Variants in KIAA1549L observed in about 807,000 individuals in gnomAD.
KIAA1549L encodes UPF0606 protein KIAA1549L.
A neutral mutation model predicts 160.7 loss-of-function variants in KIAA1549L; 88 were observed. The observed-to-expected ratio is 0.55, with a 90% CI of 0.46 to 0.65. The LOEUF is 0.65. Ranked by LOEUF, KIAA1549L falls within the 30% of genes least tolerant of loss-of-function variation. The probability of loss-of-function intolerance (pLI) is 0.00; values close to 1 mark genes in which losing one functional copy is unlikely to be tolerated. For synonymous variants in KIAA1549L, 950 were observed against 976.7 expected (o/e 0.97, Z 0.51); for missense variants, 2,258 against 2,437.5 (o/e 0.93, Z 1.55).
In KIAA1549L at chr11:33,664,360, G is replaced by A. The variant is rs75803185; in HGVS notation, c.6159+3346G>A. Among the ~76,000 whole-genome samples the A allele has an allele frequency of 3.2e-3, 481 of 151,868 alleles. 6 individuals carry two copies. The East Asian group carries it at 0.041, about 13-fold the overall frequency. ...ACCCATCCGTGGCTCCCAGCCAGGC[G>A]TCAGCCGCACATCTCAGGAACCTGC... On this transcript the variant is annotated intron_variant, in intron 20 of 20. Transcript: ENST00000658780.
Position 33,544,151 on chromosome 11 carries a change from A to G in KIAA1549L, c.2588A>G (p.Asp863Gly), listed in dbSNP as rs1408864253. 3 of 1,613,896 alleles carry G rather than the reference A, an allele frequency of 1.9e-6. No individual in the cohort carries two copies. The highest frequency in any genetic ancestry group is 1.7e-5 in the Admixed American group (1 of 60,008). ...STGSLQEMLS[D>G]GTDTGSEISS... The stretch of plus-strand genomic sequence containing the variant: ...GGTAGCTTGCAGGAAATGCTTTCAG[A>G]TGGAACAGATACAGGTTCTGAAATT... The change falls in exon 2 of 21, where the codon GAT becomes GGT. Residue 863 changes from aspartate (D) to glycine (G), a missense_variant. Transcript: ENST00000658780.
At chr11:33,557,918 G>T (rs112043446) in intron 6 of KIAA1549L, among the ~76,000 whole-genome samples, 5 of 151,900 alleles carry the variant, frequency 3.3e-5, no homozygotes, top group Non-Finnish European at 7.4e-5. Context: ...GAGAAAAGGC[G>T]GGGGAGAGAG....
chr11:33,633,700 G>T (rs2133380847), intron 16 of KIAA1549L, among the ~76,000 whole-genome samples: 1 of 152,334 alleles, frequency 6.6e-6, no homozygotes, highest in African/African-American at 2.4e-5. Flanking sequence ...GATTCCTTTT[G>T]AAGAGGTGTT....
chr11:33,559,842 C>T lies in KIAA1549L; in HGVS notation c.3949C>T (p.Leu1317Phe), dbSNP rs752412913. Reference protein sequence around the residue: ...TFLNGTVASSLLSQLSAELVG... With the variant: ...TFLNGTVASSFLSQLSAELVG... ...CCTCAACGGCACCGTCGCCAGCAGCCTCCTCAGCCAGCTCTCGGCTGAGCT... is the reference window on the plus strand; with the variant it reads ...CCTCAACGGCACCGTCGCCAGCAGCTTCCTCAGCCAGCTCTCGGCTGAGCT... Residue 1317 changes from leucine (L) to phenylalanine (F), a missense_variant, in exon 7 of 21, where the codon CTC (leucine) becomes TTC (phenylalanine). By Grantham distance (22) the Leu-to-Phe change is conservative. Transcript: ENST00000658780. The T allele has an allele frequency of 6.2e-7, 1 of 1,614,038 alleles. No individual in the cohort carries two copies. Among genetic ancestry groups the T allele is most frequent in the Non-Finnish European group, 8.5e-7 (1 of 1,179,872 alleles).
chr11:33,606,382 T>A (rs954764017), intron 13 of KIAA1549L, among the ~76,000 whole-genome samples: 24 of 152,332 alleles, frequency 1.6e-4, no homozygotes, highest in African/African-American at 5.8e-4. Context: ...TTTGAAAGAA[T>A]GGTTCTTACT....
intron 10 of KIAA1549L, among the ~76,000 whole-genome samples, chr11:33,578,958 C>T (rs1418178542): frequency 2.0e-5 from 3 of 152,200 alleles, no homozygotes; most frequent in Non-Finnish European, 4.4e-5. Flanking sequence ...TGGTTCTATT[C>T]TTGTGAAGGC....
At chr11:33,385,251 T>C (rs1850151578) in intron 1 of KIAA1549L, among the ~76,000 whole-genome samples, 1 of 152,250 alleles carries the variant, frequency 6.6e-6, no homozygotes, top group African/African-American at 2.4e-5. Flanking sequence ...TGGCACCATA[T>C]ATGTCTGGGT....
chr11:33,456,476 T>A (rs987075217), intron 1 of KIAA1549L, among the ~76,000 whole-genome samples: 1 of 152,158 alleles, frequency 6.6e-6, no homozygotes, highest in Non-Finnish European at 1.5e-5. Flanking sequence ...GATGGCGCGA[T>A]CATGGCTCAC....
At chr11:33,550,042 CA>C (rs11284498) in intron 4 of KIAA1549L, among the ~76,000 whole-genome samples, 48,110 of 138,152 alleles carry the variant, frequency 0.35, 8,206 homozygotes, top group Middle Eastern at 0.47. Context: ...AAAAAAGAAA[CA>C]AAAAAAAAAA....
chr11:33,613,851 T>TA (rs571435772), intron 15 of KIAA1549L, among the ~76,000 whole-genome samples: 274 of 152,280 alleles, frequency 1.8e-3, no homozygotes, highest in Non-Finnish European at 3.1e-3. Flanking sequence ...TTCAGAGCCT[T>TA]AAAAAAATCA....
rs1350521078 is a variant in KIAA1549L, at chr11:33,638,435, A to T, written c.5410-7251A>T. On this transcript the variant is annotated intron_variant, in intron 16 of 20. Transcript: ENST00000658780. ...CTCTAAAATAAATAAAAAAAAAAAA[A>T]ATAAATAAATAAATAAATAAATAAA... Among the ~76,000 whole-genome samples the T allele has an allele frequency of 1.1e-3, 28 of 25,784 alleles. 1 individual carries two copies. The East Asian group carries it at 0.013, about 12-fold the overall frequency. The allele number at this position is 25,784 out of a possible 152,430, so 16.9% of individuals were successfully genotyped here.
chr11:33,435,798 A>ATATATATGTGTG (rs1565135875), intron 1 of KIAA1549L, among the ~76,000 whole-genome samples: 1 of 7,624 alleles, frequency 1.3e-4, no homozygotes, highest in Non-Finnish European at 2.0e-4. Context: ...ATATATATAT[A>ATATATATGTGTG]TATATATATA....
At chr11:33,605,678 C>G (rs972175738) in intron 13 of KIAA1549L, among the ~76,000 whole-genome samples, 38 of 152,172 alleles carry the variant, frequency 2.5e-4, no homozygotes, top group Admixed American at 1.4e-3. Context: ...ATCTCTCAAG[C>G]AGACAGGAGG....
rs1854147470 is a variant in KIAA1549L at position 33,544,202 on chromosome 11, A to C, written c.2639A>C (p.Glu880Ala). The C allele has an allele frequency of 6.2e-7, 1 of 1,614,026 alleles. No homozygotes were observed. The highest frequency in any genetic ancestry group is 8.5e-7 in the Non-Finnish European group (1 of 1,179,892). ...TCCAGTGACATCAATTCATCACCTG[A>C]GAGAAATGCTTCCACACCATTCCAG... ...EISSDINSSP[E>A]RNASTPFQNI... Residue 880 changes from glutamate to alanine, a missense_variant, in exon 2 of 21, where the codon GAG becomes GCG. By Grantham distance (107) the Glu-to-Ala change is moderately radical. This residue lies in a region of KIAA1549L where 287 missense variants were observed against 292.3 expected (regional missense o/e 0.98). Transcript: ENST00000658780.
chr11:33,480,058 G>A (rs1384779950), intron 1 of KIAA1549L, among the ~76,000 whole-genome samples: 2 of 152,166 alleles, frequency 1.3e-5, no homozygotes, highest in Non-Finnish European at 2.9e-5. Flanking sequence ...GTGTGTGTGT[G>A]TGTGTGCACG....
intron 17 of KIAA1549L, 97 bp downstream of exon 17, chr11:33,646,133 C>T (rs550090180): frequency 4.7e-5 from 44 of 930,590 alleles, no homozygotes; most frequent in Non-Finnish European, 6.4e-5. Flanking sequence ...AGATAAAAAG[C>T]TTTGGGATCT....
chr11:33,399,015 C>T (rs953694714), intron 1 of KIAA1549L, among the ~76,000 whole-genome samples: 1 of 149,928 alleles, frequency 6.7e-6, no homozygotes, highest in African/African-American at 2.5e-5. Context: ...TTCAGTGGCA[C>T]AATCTCTGCT....
chr11:33,382,073 G>T (rs976447511), intron 1 of KIAA1549L, among the ~76,000 whole-genome samples: 1 of 152,132 alleles, frequency 6.6e-6, no homozygotes, highest in Non-Finnish European at 1.5e-5. Flanking sequence ...AGGTCCTAAG[G>T]CATACATTTT....
intron 1 of KIAA1549L, among the ~76,000 whole-genome samples, chr11:33,438,069 A>G (rs1177819273): frequency 6.6e-6 from 1 of 152,158 alleles, no homozygotes; most frequent in Admixed American, 6.5e-5. Flanking sequence ...AAAATGAGCA[A>G]TTGTTTTTTC....
Sources: gnomAD v4.1 joint callset for allele counts (sites outside exome capture counted in the v4.1 genomes callset) on GRCh38, gnomAD v4.1.1 for gene constraint, gnomAD v4.1.1 regional missense constraint, MANE v1.5 for transcripts, NCBI Gene and HGNC (gene_info 2026-07-23, HGNC 2026-07-21) for gene names.